The following TRIM51G variants were observed in gnomAD, a reference collection of about 807,000 sequenced individuals.
The protein encoded by TRIM51G is tripartite motif-containing 51G, also known as tripartite motif-containing protein 51G.
the TRIM51G span, among the ~76,000 whole-genome samples, chr11:48,978,696 G>A: frequency 1.3e-5 from 2 of 152,124 alleles, no homozygotes; most frequent in East Asian, 1.9e-4. Flanking sequence ...AGGGACCTTC[G>A]GTCTGGTAGA....
At chr11:48,981,527 T>C in the TRIM51G span, 1 of 1,604,150 alleles carries the variant, frequency 6.2e-7, no homozygotes, top group Non-Finnish European at 8.5e-7. Flanking sequence ...CGTGTTGTCT[T>C]CTTGCATTTA....
chr11:48,981,016 T>C, the TRIM51G span: 2 of 610,456 alleles, frequency 3.3e-6, no homozygotes, highest in Non-Finnish European at 6.2e-6. Flanking sequence ...AAAAGAGCCA[T>C]GAATTGAAGC....
chr11:48,982,199 A>C, the TRIM51G span, among the ~76,000 whole-genome samples: 2 of 152,088 alleles, frequency 1.3e-5, no homozygotes, highest in African/African-American at 2.4e-5. Context: ...AAACCAACCG[A>C]CCAGATAAAC....
the TRIM51G span, chr11:48,981,289 C>T: frequency 6.2e-6 from 10 of 1,605,008 alleles, no homozygotes; most frequent in African/African-American, 5.4e-5. Flanking sequence ...ACTTACCCGG[C>T]GTTCCTCAGC....
chr11:48,976,484 C>G, the TRIM51G span, among the ~76,000 whole-genome samples: 5 of 152,232 alleles, frequency 3.3e-5, no homozygotes, highest in African/African-American at 1.2e-4. Flanking sequence ...AAATCTTTCA[C>G]TAGTCACTCT....
chr11:48,977,898 TTTTATTTATTTA>T, the TRIM51G span, among the ~76,000 whole-genome samples: 146 of 144,696 alleles, frequency 1.0e-3, 1 homozygote, highest in Admixed American at 1.7e-3. Context: ...TCTCTTTCTT[TTTTATTTATTTA>T]TTTATTTATT....
At chr11:48,978,741 A>G in the TRIM51G span, 194 of 582,076 alleles carry the variant, frequency 3.3e-4, no homozygotes, top group South Asian at 3.6e-3. Context: ...CCAACCAAGT[A>G]GCATTAGTTA....
chr11:48,981,768 A>T, the TRIM51G span: 1 of 1,447,546 alleles, frequency 6.9e-7, no homozygotes. Context: ...ATATCACCAT[A>T]TGTGATAGCT....
chr11:48,976,847 A>T, the TRIM51G span, among the ~76,000 whole-genome samples: 1 of 152,140 alleles, frequency 6.6e-6, no homozygotes, highest in African/African-American at 2.4e-5. Context: ...CATTACATTT[A>T]CCCAATATAT....
the TRIM51G span, among the ~76,000 whole-genome samples, chr11:48,982,647 A>T: frequency 6.6e-6 from 1 of 151,920 alleles, no homozygotes; most frequent in African/African-American, 2.4e-5. Context: ...TGGTATCTCC[A>T]GGACACTAGC....
chr11:48,976,783 A>G, the TRIM51G span, among the ~76,000 whole-genome samples: 1 of 152,156 alleles, frequency 6.6e-6, no homozygotes. Context: ...ACCTTGGATT[A>G]TTAAGCTTCC....
chr11:48,981,523 G>T, the TRIM51G span: 10 of 1,604,114 alleles, frequency 6.2e-6, no homozygotes, highest in Admixed American at 1.7e-5. Context: ...CTGCCGTGTT[G>T]TCTTCTTGCA....
At chr11:48,981,542 A>G in the TRIM51G span, 21 of 1,602,236 alleles carry the variant, frequency 1.3e-5, no homozygotes, top group Middle Eastern at 2.2e-4. Context: ...CATTTAGAGC[A>G]CTGAGCAAGA....
At chr11:48,983,876 C>T in the TRIM51G span, among the ~76,000 whole-genome samples, 1 of 151,956 alleles carries the variant, frequency 6.6e-6, no homozygotes, top group African/African-American at 2.4e-5. Flanking sequence ...TAAGTGCTGT[C>T]CTCCTCTGGA....
the TRIM51G span, among the ~76,000 whole-genome samples, chr11:48,983,023 G>A: frequency 1.0e-5 from 1 of 99,586 alleles, no homozygotes; most frequent in Non-Finnish European, 2.1e-5. Context: ...TCTCTCTGGA[G>A]AACCCTGACC....
At chr11:48,977,083 A>T in the TRIM51G span, 1 of 1,013,738 alleles carries the variant, frequency 9.9e-7, no homozygotes, top group Non-Finnish European at 1.6e-6. Flanking sequence ...GCTGACACTC[A>T]CCTCTGAATC....
chr11:48,976,809 C>T, the TRIM51G span, among the ~76,000 whole-genome samples: 5 of 151,946 alleles, frequency 3.3e-5, no homozygotes, highest in Non-Finnish European at 5.9e-5. Context: ...AGCATTTTTC[C>T]ATTTATTCAA....
At chr11:48,977,972 T>C in the TRIM51G span, among the ~76,000 whole-genome samples, 1 of 152,022 alleles carries the variant, frequency 6.6e-6, no homozygotes, top group Non-Finnish European at 1.5e-5. Flanking sequence ...ATAAAATCAC[T>C]GAGTATGGCA....
the TRIM51G span, chr11:48,981,592 C>A: frequency 6.2e-7 from 1 of 1,601,832 alleles, no homozygotes; most frequent in Admixed American, 1.7e-5. Context: ...ACAGGGCCGG[C>A]AAAAGCTGTG....
Sources: allele counts gnomAD v4.1 joint callset (sites outside exome capture counted in the v4.1 genomes callset), GRCh38; gene constraint gnomAD v4.1.1; transcripts MANE v1.5; gene names NCBI Gene and HGNC (gene_info 2026-07-23, HGNC 2026-07-21).